HIPK1: variants seen among roughly 807,000 people sequenced by gnomAD.
HIPK1 encodes the protein homeodomain interacting protein kinase 1.
A neutral mutation model predicts 117.1 loss-of-function variants in HIPK1; 28 were observed. That is an observed-to-expected ratio of 0.24 (90% CI 0.18 to 0.33). The LOEUF (loss-of-function observed/expected upper bound fraction) is 0.33, where lower values mean the gene tolerates loss of function less well. HIPK1 is among the 10% of genes least tolerant of loss of function. The probability of loss-of-function intolerance (pLI) is 1.00; values close to 1 mark genes in which losing one functional copy is unlikely to be tolerated. For synonymous variants in HIPK1, 605 were observed against 562.5 expected (o/e 1.08, Z -1.07); for missense variants, 1,122 against 1,475.1 (o/e 0.76, Z 3.92).
At chr1:113,971,192 A>AAG (rs531477639) in intron 14 of HIPK1, among the ~76,000 whole-genome samples, 3 of 152,230 alleles carry the variant, frequency 2.0e-5, no homozygotes, top group Non-Finnish European at 2.9e-5. Flanking sequence ...CATTGCAGAC[A>AAG]AGAGAGAGAG....
At position 113,929,819 on chromosome 1, in the gene HIPK1, G is replaced by A. The variant is rs931952456; in HGVS notation, c.-3+287G>A. The A allele has an allele frequency of 2.6e-4, 238 of 929,294 alleles. 1 individual carries two copies. In the African/African-American group the frequency reaches 3.9e-3, roughly 15 times the overall value. The allele number at this position is 929,294 out of a possible 1,614,324, so 57.6% of individuals were successfully genotyped here. On this transcript the variant is annotated intron_variant, in intron 1 of 15. Transcript: ENST00000426820. ...GGGACGGCTCCGGGGGGCGGGGGCCGGGGCCCGGGCCGGCTCGCGCGGGGG... is the reference window on the plus strand; with the variant it reads ...GGGACGGCTCCGGGGGGCGGGGGCCAGGGCCCGGGCCGGCTCGCGCGGGGG...
At chr1:113,948,060 G>A (rs748123993) in intron 2 of HIPK1, among the ~76,000 whole-genome samples, 1 of 152,190 alleles carries the variant, frequency 6.6e-6, no homozygotes, top group Non-Finnish European at 1.5e-5. Context: ...CAAGAGGAAA[G>A]ATGTAATGAA....
chr1:113,936,212 T>C (rs190825477), intron 1 of HIPK1, among the ~76,000 whole-genome samples: 92 of 152,326 alleles, frequency 6.0e-4, no homozygotes, highest in African/African-American at 2.2e-3. Context: ...CATCACACCC[T>C]TGCTGTGGGG....
In HIPK1 at chr1:113,966,165, G is replaced by A. The variant is rs1199255929; in HGVS notation, c.2274G>A (p.Leu758=). The A allele has an allele frequency of 1.2e-6, 2 of 1,613,996 alleles. No homozygotes were observed. Among genetic ancestry groups the A allele is most frequent in the Admixed American group, 1.7e-5 (1 of 60,006 alleles). Residue 758 remains leucine (L), a synonymous_variant, in exon 11 of 16, where the codon CTG becomes CTA. Transcript: ENST00000426820. Reference sequence around the variant, plus strand: ...CTGGAGGGACTCAGCAAATTCTCCTGCCTTCAACTTGGCAACAGTTGCCTG... The same window carrying A: ...CTGGAGGGACTCAGCAAATTCTCCTACCTTCAACTTGGCAACAGTTGCCTG... The part of the protein sequence containing the change: ...AWPGGTQQIL[L]PSTWQQLPGV...
intron 6 of HIPK1, 103 bp downstream of exon 6, chr1:113,956,914 A>G: frequency 8.7e-7 from 1 of 1,149,084 alleles, no homozygotes. Flanking sequence ...GTGCTTATAA[A>G]TCTGGCTCAG....
At chr1:113,970,267 A>G in intron 14 of HIPK1, 70 bp downstream of exon 14, 1 of 1,536,946 alleles carries the variant, frequency 6.5e-7, no homozygotes, top group African/African-American at 1.4e-5. Flanking sequence ...TTTTGCCATA[A>G]TCCACTTATA....
At chr1:113,959,687 T>C (rs1671968811) in intron 8 of HIPK1, among the ~76,000 whole-genome samples, 2 of 152,174 alleles carry the variant, frequency 1.3e-5, no homozygotes, top group Admixed American at 1.3e-4. Flanking sequence ...GGATAACCCT[T>C]TTTAGTATAA....
rs1486574914 is a variant in HIPK1 at position 113,970,133 on chromosome 1, C to T, written c.2949C>T (p.Arg983=). Residue 983 remains arginine (R), a synonymous_variant, in exon 14 of 16, where the codon CGC becomes CGT. Coordinates refer to ENST00000426820, the MANE Select transcript of HIPK1 (RefSeq NM_198268.3). ...TTGTGGCAGATGGCACTGGCACCCG[C>T]ACTATCATTGTGCCTCCACTGAAAA... ...GRVVADGTGT[R]TIIVPPLKTQ... is the part of the protein sequence containing the mutation. 1.2e-6 allele frequency: 2 copies of T among 1,614,158 alleles called. No individual in the cohort carries two copies. The highest frequency in any genetic ancestry group is 8.5e-7 in the Non-Finnish European group (1 of 1,180,018).
chr1:113,942,651 T>C lies in HIPK1; in HGVS notation c.1076+1192T>C, dbSNP rs192348938. 4.9e-4 allele frequency among the ~76,000 whole-genome samples: 74 copies of C among 152,316 alleles called. 1 individual carries two copies. The highest frequency in any genetic ancestry group is 3.4e-3 in the Middle Eastern group (1 of 294). On this transcript the variant is annotated intron_variant, in intron 2 of 15. Transcript: ENST00000426820. ...CCAAGTACCTTATACTTTAATGATATATATTTCTAGATTGATACTTTTAAT... is the reference window on the plus strand; with the variant it reads ...CCAAGTACCTTATACTTTAATGATACATATTTCTAGATTGATACTTTTAAT...
intron 7 of HIPK1, 26 bp from the exon 8 acceptor site, chr1:113,958,040 T>C: frequency 2.0e-6 from 3 of 1,500,358 alleles, no homozygotes; most frequent in Non-Finnish European, 2.8e-6. Context: ...AATACAAGTG[T>C]ACAAATATAA....
chr1:113,963,458 G>A lies in HIPK1; in HGVS notation c.2175G>A (p.Val725=), dbSNP rs771304467. 2 of 1,614,222 alleles carry A rather than the reference G, an allele frequency of 1.2e-6. No homozygotes were observed. The highest frequency in any genetic ancestry group is 1.1e-5 in the South Asian group (1 of 91,086). Residue 725 remains valine (V), a synonymous_variant, in exon 10 of 16, where the codon GTG becomes GTA. Coordinates refer to ENST00000426820, the MANE Select transcript of HIPK1 (RefSeq NM_198268.3). ...CCACCATCACACCGCAGTATGCGGT[G>A]CCCTTTACTCTGAGCTGCGCAGCCG... ...QVATITPQYA[V]PFTLSCAAGR...
At position 113,963,465 on chromosome 1, in the gene HIPK1, A is replaced by G; in HGVS notation, c.2182A>G (p.Thr728Ala). Residue 728 changes from threonine to alanine, a missense_variant, in exon 10 of 16, where the codon ACT becomes GCT. This residue lies in a region of HIPK1 where 731 missense variants were observed against 860.4 expected (regional missense o/e 0.85). Coordinates refer to ENST00000426820, the MANE Select transcript of HIPK1 (RefSeq NM_198268.3). ...CACACCGCAGTATGCGGTGCCCTTT[A>G]CTCTGAGCTGCGCAGCCGGCCGGCC... The part of the protein sequence containing the change: ...TITPQYAVPF[T>A]LSCAAGRPAL... 6.2e-7 allele frequency: 1 copy of G among 1,613,468 alleles called. No homozygotes were observed. The highest frequency in any genetic ancestry group is 8.5e-7 in the Non-Finnish European group (1 of 1,179,856).
At chr1:113,953,336 C>G (rs1232357735) in intron 3 of HIPK1, among the ~76,000 whole-genome samples, 2 of 152,126 alleles carry the variant, frequency 1.3e-5, no homozygotes, top group Non-Finnish European at 2.9e-5. Context: ...CTGTGACATA[C>G]TGGGTCGCTA....
chr1:113,935,954 A>T (rs1670219983), intron 1 of HIPK1, among the ~76,000 whole-genome samples: 2 of 152,168 alleles, frequency 1.3e-5, no homozygotes, highest in African/African-American at 2.4e-5. Context: ...GTTGTTTGAA[A>T]GCTCTCCACC....
intron 3 of HIPK1, 65 bp from the exon 4 acceptor site, chr1:113,954,586 T>G (rs1255659335): frequency 1.9e-6 from 3 of 1,556,756 alleles, no homozygotes; most frequent in Non-Finnish European, 2.6e-6. Context: ...GATGTTTTAG[T>G]GTAAAAGCCT....
chr1:113,951,218 C>A (rs1423776640), intron 2 of HIPK1: 14 of 983,676 alleles, frequency 1.4e-5, no homozygotes, highest in African/African-American at 1.7e-5. Context: ...TTTGAACCCA[C>A]TTATTGCCTA....
chr1:113,937,412 G>C (rs1670324383), intron 1 of HIPK1, among the ~76,000 whole-genome samples: 1 of 151,852 alleles, frequency 6.6e-6, no homozygotes, highest in African/African-American at 2.4e-5. Context: ...GATTGGAGTA[G>C]AGACTTCCCC....
intron 5 of HIPK1, among the ~76,000 whole-genome samples, chr1:113,956,119 G>T (rs999359529): frequency 7.2e-6 from 1 of 138,866 alleles, no homozygotes; most frequent in Admixed American, 7.8e-5. Flanking sequence ...CTATTGCCCA[G>T]GCTGGAGTGC....
At position 113,941,443 on chromosome 1, in the gene HIPK1, C is replaced by A. The variant is rs752297620; in HGVS notation, c.1060C>A (p.Gln354Lys). ...VSKAVCSTYL[Q>K]SRYYRAPEII... ...CAAAGCTGTGTGCTCAACCTACTTA[C>A]AGTCACGTTACTACAGGCAAGTGGC... Residue 354 changes from glutamine (Q) to lysine (K), a missense_variant, in exon 2 of 16, where the codon CAG becomes AAG. Around this residue, in one of 6 missense-constraint regions of HIPK1, gnomAD observed 127 missense variants for 197.9 expected, o/e 0.64. Transcript: ENST00000426820. The surrounding 1 kb of genome is among the most constrained non-coding windows in gnomAD (Gnocchi z 4.9). 1 of 1,612,806 alleles carries A rather than the reference C, an allele frequency of 6.2e-7. No homozygotes were observed. Among genetic ancestry groups the A allele is most frequent in the African/African-American group, 1.3e-5 (1 of 74,918 alleles).
Sources: gnomAD v4.1 joint callset for allele counts (sites outside exome capture counted in the v4.1 genomes callset) on GRCh38, gnomAD v4.1.1 for gene constraint, gnomAD v4.1.1 regional missense constraint, Gnocchi (gnomAD v3.1) non-coding constraint, MANE v1.5 for transcripts, NCBI Gene and HGNC (gene_info 2026-07-23, HGNC 2026-07-21) for gene names.